Variants in PDE7B observed in about 807,000 individuals in gnomAD.
The protein encoded by PDE7B is 3',5'-cyclic-AMP phosphodiesterase 7B.
Under a neutral mutation model 56.2 loss-of-function variants are expected in PDE7B, and 29 were observed. The observed-to-expected ratio is 0.52, with a 90% CI of 0.38 to 0.70. The LOEUF (loss-of-function observed/expected upper bound fraction) is 0.70. Ranked by LOEUF, PDE7B falls within the 30% of genes least tolerant of loss-of-function variation. PDE7B has a pLI of 0.00. For missense variants in PDE7B, 490 were observed against 565.0 expected (o/e 0.87, Z 1.35); for synonymous variants, 197 against 196.9 (o/e 1.00, Z 0.00).
At chr6:136,187,178 A>C (rs1779157836) in intron 12 of PDE7B, 62 bp downstream of exon 12, 1 of 849,560 alleles carries the variant, frequency 1.2e-6, no homozygotes, top group Admixed American at 2.1e-5. Flanking sequence ...AAAAGTGACA[A>C]AGAAAAGATC....
chr6:136,048,082 A>G (rs1434109438), intron 2 of PDE7B, among the ~76,000 whole-genome samples: 1 of 128,970 alleles, frequency 7.8e-6, no homozygotes, highest in African/African-American at 2.6e-5. Context: ...GTGGATGGAT[A>G]GATAGATAGA....
intron 1 of PDE7B, among the ~76,000 whole-genome samples, chr6:135,868,079 G>C (rs1232587605): frequency 6.6e-6 from 1 of 151,996 alleles, no homozygotes; most frequent in Non-Finnish European, 1.5e-5. Flanking sequence ...ATACAATCTT[G>C]AGTAAGCAAG....
chr6:135,892,341 A>T (rs1775823237), intron 1 of PDE7B, among the ~76,000 whole-genome samples: 1 of 152,156 alleles, frequency 6.6e-6, no homozygotes, highest in Admixed American at 6.5e-5. Flanking sequence ...TGATCCTGTG[A>T]CTTCAAGTAC....
chr6:136,160,685 A>G (rs1330875731), intron 8 of PDE7B, among the ~76,000 whole-genome samples: 1 of 152,156 alleles, frequency 6.6e-6, no homozygotes, highest in African/African-American at 2.4e-5. Context: ...CTCAGGATTG[A>G]GTCCAAATGA....
At chr6:136,184,618 C>CT (rs1461258292) in intron 11 of PDE7B, among the ~76,000 whole-genome samples, 1 of 152,154 alleles carries the variant, frequency 6.6e-6, no homozygotes, top group Non-Finnish European at 1.5e-5. Flanking sequence ...TGCACCCTGC[C>CT]TTGTAGACCA....
intron 12 of PDE7B, among the ~76,000 whole-genome samples, chr6:136,191,103 G>C (rs957887041): frequency 8.9e-5 from 13 of 146,202 alleles, no homozygotes; most frequent in African/African-American, 3.2e-4. Context: ...TATGTGCCAA[G>C]AGTTTTCTAA....
At chr6:136,186,485 A>G (rs769815241) in intron 11 of PDE7B, among the ~76,000 whole-genome samples, 17 of 152,118 alleles carry the variant, frequency 1.1e-4, no homozygotes, top group Admixed American at 1.1e-3. Flanking sequence ...CTTCAGTTGC[A>G]TTAGGTAAAA....
At chr6:135,948,892 TAGATAGACAGAC>T (rs1204169002) in intron 2 of PDE7B, among the ~76,000 whole-genome samples, 5 of 43,570 alleles carry the variant, frequency 1.1e-4, no homozygotes, top group African/African-American at 3.6e-4. Context: ...GATAGATAGA[TAGATAGACAGAC>T]AGACAGACAG....
chr6:135,926,139 T>G (rs1295650394), intron 1 of PDE7B, among the ~76,000 whole-genome samples: 5 of 129,790 alleles, frequency 3.9e-5, no homozygotes, highest in Admixed American at 9.2e-5. Flanking sequence ...CAGGCTGCAG[T>G]GCAGTGGCGC....
At chr6:135,905,444 A>T (rs1296225476) in intron 1 of PDE7B, among the ~76,000 whole-genome samples, 1 of 151,968 alleles carries the variant, frequency 6.6e-6, no homozygotes, top group African/African-American at 2.4e-5. Flanking sequence ...AGAAACACTA[A>T]CCAGATTCCA....
At chr6:135,905,348 A>ATGTGTG (rs71682918) in intron 1 of PDE7B, among the ~76,000 whole-genome samples, 142 of 148,256 alleles carry the variant, frequency 9.6e-4, no homozygotes, top group East Asian at 4.8e-3. Flanking sequence ...GTGTGTGTGT[A>ATGTGTG]TGTGTGTGTG....
Position 135,970,161 on chromosome 6 carries a change from A to G in PDE7B, c.82+22637A>G, listed in dbSNP as rs1775069449. Reference sequence around the variant, plus strand: ...AAATCCCTTGGGTCTCATAAAGTTTACACTTCATTGGTAGAGATAAATAAA... The same window carrying G: ...AAATCCCTTGGGTCTCATAAAGTTTGCACTTCATTGGTAGAGATAAATAAA... On this transcript the variant is annotated intron_variant, in intron 2 of 12. Transcript: ENST00000308191. 3.3e-5 allele frequency among the ~76,000 whole-genome samples: 5 copies of G among 152,202 alleles called. No homozygotes were observed. In the South Asian group the frequency reaches 1.0e-3, roughly 32 times the overall value.
chr6:135,993,827 G>A (rs1379859529), intron 2 of PDE7B, among the ~76,000 whole-genome samples: 1 of 152,186 alleles, frequency 6.6e-6, no homozygotes, highest in African/African-American at 2.4e-5. Flanking sequence ...CATAAGACAA[G>A]TACTGGTGGT....
intron 1 of PDE7B, among the ~76,000 whole-genome samples, chr6:135,884,498 C>T (rs1775666845): frequency 6.6e-6 from 1 of 152,154 alleles, no homozygotes; most frequent in African/African-American, 2.4e-5. Context: ...CTTTCTATGG[C>T]TTTTTGACTT....
At chr6:136,070,759 A>G (rs1777036738) in intron 2 of PDE7B, among the ~76,000 whole-genome samples, 1 of 152,182 alleles carries the variant, frequency 6.6e-6, no homozygotes, top group Admixed American at 6.5e-5. Flanking sequence ...TGACCAAACT[A>G]AAATACCATA....
intron 2 of PDE7B, among the ~76,000 whole-genome samples, chr6:136,049,609 T>C (rs1776589563): frequency 6.6e-6 from 1 of 152,210 alleles, no homozygotes. Flanking sequence ...GGTTCTGTGA[T>C]GGACTGATCA....
At chr6:136,037,289 G>A (rs1776338784) in intron 2 of PDE7B, 3 of 376,002 alleles carry the variant, frequency 8.0e-6, no homozygotes, top group Admixed American at 1.3e-4. Flanking sequence ...TACGCATGAG[G>A]ATCTTGATGC....
intron 12 of PDE7B, among the ~76,000 whole-genome samples, chr6:136,187,887 C>G (rs1055464817): frequency 1.1e-4 from 17 of 152,192 alleles, no homozygotes; most frequent in African/African-American, 4.1e-4. Flanking sequence ...TTGCAGTTCC[C>G]TTCCATTGAA....
chr6:135,982,819 C>T (rs1562460035), intron 2 of PDE7B, among the ~76,000 whole-genome samples: 1 of 152,226 alleles, frequency 6.6e-6, no homozygotes, highest in East Asian at 1.9e-4. Context: ...ACTTCTGGCT[C>T]CTGGATACTC....
Sources: gnomAD v4.1 joint callset for allele counts (sites outside exome capture counted in the v4.1 genomes callset) on GRCh38, gnomAD v4.1.1 for gene constraint, MANE v1.5 for transcripts, NCBI Gene and HGNC (gene_info 2026-07-23, HGNC 2026-07-21) for gene names.